The following PDE8A variants were observed in gnomAD, a reference collection of about 807,000 sequenced individuals.
The protein encoded by PDE8A is phosphodiesterase 8A.
In PDE8A, 59 loss-of-function variants were observed where a neutral mutation model predicts 105.0. The ratio of observed to expected loss-of-function variants is 0.56; its 90% CI spans 0.46 to 0.70. The LOEUF (loss-of-function observed/expected upper bound fraction) is 0.70, where lower values mean the gene tolerates loss of function less well. PDE8A is among the 30% of genes least tolerant of loss of function. PDE8A has a pLI of 0.00. For synonymous variants in PDE8A, 355 were observed against 371.9 expected (o/e 0.95, Z 0.52); for missense variants, 1,014 against 1,045.9 (o/e 0.97, Z 0.42).
chr15:85,099,721 G>T (rs1359050530), intron 9 of PDE8A: 3 of 388,080 alleles, frequency 7.7e-6, no homozygotes, highest in Non-Finnish European at 1.4e-5. Context: ...GGAACTAAAG[G>T]CTCTCAGTTG....
chr15:85,075,861 G>T lies in PDE8A; in HGVS notation c.435-1G>T. The T allele has an allele frequency of 6.7e-7, 1 of 1,493,762 alleles. No individual in the cohort carries two copies. The highest frequency in any genetic ancestry group is 9.2e-7 in the Non-Finnish European group (1 of 1,086,174). 92.5% of individuals were successfully genotyped at this position (1,493,762 alleles called of 1,614,324 possible). ...TTTTAAAGTTTTGTGTTTTTTTTAAGGTCTATCAGATCATCAAAACTCTCA... is the reference window on the plus strand; with the variant it reads ...TTTTAAAGTTTTGTGTTTTTTTTAATGTCTATCAGATCATCAAAACTCTCA... On this transcript the variant is annotated splice_acceptor_variant, in intron 3 of 21. Transcript: ENST00000394553. LOFTEE classifies it high-confidence loss of function.
At chr15:85,040,736 T>G (rs985276298) in intron 1 of PDE8A, among the ~76,000 whole-genome samples, 5 of 152,002 alleles carry the variant, frequency 3.3e-5, no homozygotes, top group Non-Finnish European at 5.9e-5. Context: ...AATGTTTCTA[T>G]TTTTAGTAGA....
intron 5 of PDE8A, among the ~76,000 whole-genome samples, chr15:85,077,496 C>A (rs1000638860): frequency 7.2e-5 from 11 of 152,156 alleles, no homozygotes; most frequent in Non-Finnish European, 1.5e-4. Context: ...GAGTAGGACT[C>A]CTAAGTGCCT....
chr15:85,105,931 G>A (rs1388941993), intron 11 of PDE8A, among the ~76,000 whole-genome samples: 4 of 152,138 alleles, frequency 2.6e-5, no homozygotes, highest in Non-Finnish European at 5.9e-5. Flanking sequence ...CTGGGTGCTG[G>A]GGTGACAGGG....
At chr15:85,115,360 T>C (rs1025750880) in intron 14 of PDE8A, 79 bp from the exon 15 acceptor site, 10 of 907,640 alleles carry the variant, frequency 1.1e-5, no homozygotes, top group Non-Finnish European at 1.7e-5. Flanking sequence ...AGTTGTCCTG[T>C]GGGAGGACCA....
intron 12 of PDE8A, among the ~76,000 whole-genome samples, chr15:85,110,541 A>G (rs1293032695): frequency 1.3e-5 from 2 of 152,146 alleles, no homozygotes; most frequent in Non-Finnish European, 2.9e-5. Context: ...TAGAATTGGA[A>G]TCGTACAGTA....
intron 20 of PDE8A, among the ~76,000 whole-genome samples, chr15:85,128,396 C>G (rs2082287420): frequency 6.6e-6 from 1 of 152,100 alleles, no homozygotes. Flanking sequence ...CCTGTGGTCC[C>G]AGTTGCAGGA....
chr15:85,075,970 C>G (rs1374214374), intron 4 of PDE8A, 52 bp downstream of exon 4: 4 of 976,778 alleles, frequency 4.1e-6, no homozygotes, highest in Non-Finnish European at 6.4e-6. Flanking sequence ...GTAATACTTG[C>G]TCTTAACAGA....
chr15:85,115,026 CG>C (rs1808169962), intron 14 of PDE8A, among the ~76,000 whole-genome samples: 1 of 152,138 alleles, frequency 6.6e-6, no homozygotes, highest in Non-Finnish European at 1.5e-5. Flanking sequence ...AGGAAAGCCT[CG>C]TGTCCTCAGA....
intron 1 of PDE8A, among the ~76,000 whole-genome samples, chr15:85,001,576 G>T (rs979030423): frequency 3.3e-5 from 5 of 152,148 alleles, no homozygotes; most frequent in African/African-American, 9.7e-5. Context: ...GGAAGAGCAT[G>T]GTGGCTGGTA....
intron 6 of PDE8A, among the ~76,000 whole-genome samples, chr15:85,084,395 G>A (rs1245005097): frequency 6.6e-6 from 1 of 152,212 alleles, no homozygotes; most frequent in East Asian, 1.9e-4. Flanking sequence ...GGCAGAGTGT[G>A]AGTTAGCAGA....
intron 6 of PDE8A, among the ~76,000 whole-genome samples, chr15:85,084,291 G>A (rs1031042736): frequency 3.3e-5 from 5 of 152,164 alleles, no homozygotes; most frequent in African/African-American, 1.2e-4. Flanking sequence ...AAGGGGATCG[G>A]AATGAGAGTA....
At chr15:85,086,615 A>AT (rs913092708) in intron 6 of PDE8A, among the ~76,000 whole-genome samples, 1 of 152,148 alleles carries the variant, frequency 6.6e-6, no homozygotes, top group Non-Finnish European at 1.5e-5. Flanking sequence ...ATGATTTAAC[A>AT]TTTTTTTATT....
Position 85,138,746 on chromosome 15 carries a change from G to C in PDE8A, c.*843G>C, listed in dbSNP as rs1456169417. 1 of 152,160 alleles carries C rather than the reference G, an allele frequency of 6.6e-6. No homozygotes were observed. Among genetic ancestry groups the C allele is most frequent in the African/African-American group, 2.4e-5 (1 of 41,436 alleles). The allele number at this position is 152,160 out of a possible 1,614,324, so 9.4% of individuals were successfully genotyped here. On this transcript the variant is annotated 3_prime_UTR_variant, in exon 22 of 22. Coordinates refer to ENST00000394553, the MANE Select transcript of PDE8A (RefSeq NM_002605.3). ...TCTGAAACAGCTCTAGCCGCCTAAT[G>C]CACTTCACAGGTAACTCCCCAAGGT...
intron 20 of PDE8A, among the ~76,000 whole-genome samples, chr15:85,131,269 A>G (rs1412909521): frequency 6.6e-6 from 1 of 152,146 alleles, no homozygotes; most frequent in Non-Finnish European, 1.5e-5. Context: ...AGTTGAATCT[A>G]TTTACACTTA....
intron 8 of PDE8A, among the ~76,000 whole-genome samples, chr15:85,092,995 A>G (rs1457856127): frequency 6.7e-6 from 1 of 148,430 alleles, no homozygotes; most frequent in Non-Finnish European, 1.5e-5. Flanking sequence ...AACAGCCTTG[A>G]CCTCCTGGGC....
intron 1 of PDE8A, among the ~76,000 whole-genome samples, chr15:85,057,715 A>G (rs1377652776): frequency 2.6e-5 from 4 of 151,966 alleles, no homozygotes; most frequent in Non-Finnish European, 5.9e-5. Context: ...GTTCCCTTCT[A>G]TTTCTATTTT....
At chr15:85,009,215 A>G (rs900144643) in intron 1 of PDE8A, among the ~76,000 whole-genome samples, 3 of 151,970 alleles carry the variant, frequency 2.0e-5, no homozygotes, top group African/African-American at 7.3e-5. Flanking sequence ...TTTTGTGACT[A>G]GGCAAAGGCA....
At chr15:85,012,559 G>C (rs1238139574) in intron 1 of PDE8A, among the ~76,000 whole-genome samples, 1 of 130,368 alleles carries the variant, frequency 7.7e-6, no homozygotes, top group Non-Finnish European at 1.6e-5. Flanking sequence ...GGGTTGGGGG[G>C]AGGGGGGAGG....
Sources: gnomAD v4.1 joint callset for allele counts (sites outside exome capture counted in the v4.1 genomes callset) on GRCh38, gnomAD v4.1.1 for gene constraint, MANE v1.5 for transcripts, NCBI Gene and HGNC (gene_info 2026-07-23, HGNC 2026-07-21) for gene names.